Variants in COG7 observed in about 807,000 individuals in gnomAD.
COG7 encodes component of oligomeric golgi complex 7.
Under a neutral mutation model 91.5 loss-of-function variants are expected in COG7, and 49 were observed. That is an observed-to-expected ratio of 0.54 (90% CI 0.43 to 0.68). The LOEUF is 0.68. Among genes scored for constraint, COG7 ranks in the 30% least tolerant of loss-of-function variants. The probability of loss-of-function intolerance (pLI) is 0.00; values close to 1 mark genes in which losing one functional copy is unlikely to be tolerated. For synonymous variants in COG7, 365 were observed against 388.7 expected, an observed-to-expected ratio of 0.94 and a Z score of 0.72; for missense variants, 895 against 961.3, an observed-to-expected ratio of 0.93 and a Z score of 0.91.
rs191504662 is a variant in COG7 at position 23,419,824 on chromosome 16, T to C, written c.1010-997A>G. On this transcript the variant is annotated intron_variant, in intron 7 of 16. Transcript: ENST00000307149. ...GAACAATTCCCATGCCACATGTTCC[T>C]AGGACTTCCTAGAAACAGAATACCC... Among the ~76,000 whole-genome samples the C allele has an allele frequency of 1.4e-3, 211 of 148,878 alleles. 2 individuals carry two copies. The highest frequency in any genetic ancestry group is 5.1e-3 in the African/African-American group (206 of 40,356).
chr16:23,442,333 CAAAA>C (rs57747474), intron 4 of COG7, 140 bp downstream of exon 4: 1,134 of 546,230 alleles, frequency 2.1e-3, no homozygotes, highest in Admixed American at 2.4e-3. Context: ...GACTCCGTCT[CAAAA>C]AAAAAAAAAA....
chr16:23,448,011 C>T (rs967545175), intron 1 of COG7, among the ~76,000 whole-genome samples: 3 of 152,104 alleles, frequency 2.0e-5, no homozygotes, highest in Non-Finnish European at 2.9e-5. Context: ...TTTTTAGAAC[C>T]TAGAAAAGAG....
At chr16:23,390,777 G>A (rs1033338571) in intron 16 of COG7, among the ~76,000 whole-genome samples, 1 of 152,202 alleles carries the variant, frequency 6.6e-6, no homozygotes, top group African/African-American at 2.4e-5. Context: ...TCAGGGCAGG[G>A]CCAGGAGGAG....
At chr16:23,413,779 T>C (rs1963608145) in intron 9 of COG7, 2 of 498,620 alleles carry the variant, frequency 4.0e-6, no homozygotes, top group African/African-American at 1.9e-5. Flanking sequence ...GAGCAGTTTC[T>C]AAAAGAGATG....
intron 13 of COG7, among the ~76,000 whole-genome samples, chr16:23,400,790 T>C (rs1963362037): frequency 6.6e-6 from 1 of 151,990 alleles, no homozygotes; most frequent in African/African-American, 2.4e-5. Context: ...GCCTACATGG[T>C]GAAACCCCAT....
Position 23,453,126 on chromosome 16 carries a change from G to A in COG7, c.-132C>T, listed in dbSNP as rs1250622835. 6.7e-6 allele frequency: 10 copies of A among 1,492,806 alleles called. No homozygotes were observed. The highest frequency in any genetic ancestry group is 2.8e-5 in the African/African-American group (2 of 71,570). 92.5% of individuals were successfully genotyped at this position (1,492,806 alleles called of 1,614,324 possible). A position where few individuals can be genotyped will look rare whatever the true frequency, so the allele number is the denominator to read the frequency against. On this transcript the variant is annotated 5_prime_UTR_variant, in exon 1 of 17. Transcript: ENST00000307149. The stretch of plus-strand genomic sequence containing the variant: ...AGGCGAACCCCAGAAACGCCAGGAC[G>A]GGTAACTTGCCCCTTTGCGCTTCCC...
chr16:23,433,758 G>A (rs372800905), intron 5 of COG7, 91 bp from the exon 6 acceptor site: 10 of 1,520,956 alleles, frequency 6.6e-6, no homozygotes, highest in African/African-American at 2.7e-5. Context: ...GCGTAATCAC[G>A]GATTGCTCAA....
chr16:23,396,694 A>C (rs960533054), intron 14 of COG7, among the ~76,000 whole-genome samples: 2 of 152,020 alleles, frequency 1.3e-5, no homozygotes. Context: ...TAAATAAATA[A>C]AAATAAAATC....
rs374234860 is a variant in COG7 at position 23,388,875 on chromosome 16, G to A, written c.*45C>T. On this transcript the variant is annotated 3_prime_UTR_variant, in exon 17 of 17. Coordinates refer to ENST00000307149, the MANE Select transcript of COG7 (RefSeq NM_153603.4). The stretch of plus-strand genomic sequence containing the variant: ...GAGCAAATCTGTGCTGGTGAGTCGC[G>A]AAACAGCAGCCCTGGCTCTCTTGGT... 102 of 1,612,548 alleles carry A rather than the reference G, an allele frequency of 6.3e-5. 1 individual carries two copies. The highest frequency in any genetic ancestry group is 5.1e-4 in the South Asian group (46 of 90,858).
At chr16:23,408,898 T>A (rs555707171) in intron 11 of COG7, among the ~76,000 whole-genome samples, 25 of 151,676 alleles carry the variant, frequency 1.6e-4, no homozygotes, top group Admixed American at 9.2e-4. Context: ...TGGGCTGCAT[T>A]TTGCAGCCCA....
chr16:23,433,651 G>A lies in COG7; in HGVS notation c.704C>T (p.Ala235Val), dbSNP rs1470053385. 2.5e-6 allele frequency: 4 copies of A among 1,613,870 alleles called. No homozygotes were observed. The highest frequency in any genetic ancestry group is 2.7e-5 in the African/African-American group (2 of 74,872). Residue 235 changes from alanine to valine, a missense_variant, in exon 6 of 17, where the codon GCC (alanine) becomes GTC (valine). Coordinates refer to ENST00000307149, the MANE Select transcript of COG7 (RefSeq NM_153603.4). The part of the protein sequence containing the change: ...YKCHKVQLLA[A>V]WQELCQSDLS... Reference sequence around the variant, plus strand: ...GTCACTTTGACACAGCTCTTGCCAGGCTGCTAAAAGCTGCACCTGCAGAGA... The same window carrying A: ...GTCACTTTGACACAGCTCTTGCCAGACTGCTAAAAGCTGCACCTGCAGAGA...
At chr16:23,391,873 C>A (rs1311342744) in intron 16 of COG7, 3 of 439,810 alleles carry the variant, frequency 6.8e-6, no homozygotes, top group Non-Finnish European at 3.3e-6. Context: ...TGGATGGAGA[C>A]CACAAAGTGA....
intron 10 of COG7, among the ~76,000 whole-genome samples, chr16:23,410,612 T>C (rs1308304742): frequency 6.6e-6 from 1 of 152,186 alleles, no homozygotes; most frequent in Admixed American, 6.5e-5. Context: ...ATTCTATCCA[T>C]GGCCCCCTCA....
intron 15 of COG7, among the ~76,000 whole-genome samples, chr16:23,392,782 T>A (rs1013507026): frequency 6.6e-6 from 1 of 151,822 alleles, no homozygotes; most frequent in Non-Finnish European, 1.5e-5. Context: ...AATACAAAAA[T>A]TAGCCAGGCG....
chr16:23,420,684 A>C lies in COG7; in HGVS notation c.1010-1857T>G, dbSNP rs554418128. Among the ~76,000 whole-genome samples the C allele has an allele frequency of 1.6e-3, 248 of 152,300 alleles. 1 individual carries two copies. Among genetic ancestry groups the C allele is most frequent in the African/African-American group, 5.8e-3 (241 of 41,564 alleles). ...GATTAGGTAAAGTAATGTGGGTCTA[A>C]CATGGTAATAATCAAATCTGCACAT... On this transcript the variant is annotated intron_variant, in intron 7 of 16. Coordinates refer to ENST00000307149, the MANE Select transcript of COG7 (RefSeq NM_153603.4).
At chr16:23,443,099 TTCC>T (rs1395303553) in intron 3 of COG7, among the ~76,000 whole-genome samples, 1 of 152,188 alleles carries the variant, frequency 6.6e-6, no homozygotes, top group Non-Finnish European at 1.5e-5. Context: ...AAGTGTCATT[TTCC>T]TCCTAACAAA....
chr16:23,445,227 G>C lies in COG7; in HGVS notation c.319-63C>G, dbSNP rs7202155. 0.044 allele frequency: 50,382 copies of C among 1,139,032 alleles called. 2,270 individuals are homozygous for C. The highest frequency in any genetic ancestry group is 0.2 in the African/African-American group (12,975 of 65,290). The allele number at this position is 1,139,032 out of a possible 1,614,324, so 70.6% of individuals were successfully genotyped here. On this transcript the variant is annotated intron_variant, in intron 2 of 16. Coordinates refer to ENST00000307149, the MANE Select transcript of COG7 (RefSeq NM_153603.4). ...GTCCTTTTTCTCCATCTGCCACCAG[G>C]GACTTGAAATGTAAGTATGGTGGCT...
rs182100959 is a variant in COG7 at position 23,444,222 on chromosome 16, T to C, written c.435+826A>G. ...AAACTTATTTTTTGCAGTTTATTCCTGTGTAATAAATTTGTTCCCATGTGC... is the reference window on the plus strand; with the variant it reads ...AAACTTATTTTTTGCAGTTTATTCCCGTGTAATAAATTTGTTCCCATGTGC... On this transcript the variant is annotated intron_variant, in intron 3 of 16. Transcript: ENST00000307149. Among the ~76,000 whole-genome samples, 5 of 152,212 alleles carry C rather than the reference T, an allele frequency of 3.3e-5. No homozygotes were observed. In the East Asian group the frequency reaches 9.6e-4, roughly 29 times the overall value.
intron 1 of COG7, among the ~76,000 whole-genome samples, chr16:23,452,231 G>A (rs1964276148): frequency 6.6e-6 from 1 of 152,212 alleles, no homozygotes; most frequent in African/African-American, 2.4e-5. Flanking sequence ...ATTTAGAGAA[G>A]AGCTACTGCA....
Sources: gnomAD v4.1 joint callset for allele counts (sites outside exome capture counted in the v4.1 genomes callset) on GRCh38, gnomAD v4.1.1 for gene constraint, MANE v1.5 for transcripts, NCBI Gene and HGNC (gene_info 2026-07-23, HGNC 2026-07-21) for gene names.